The following IPO5 variants were observed in gnomAD, a reference collection of about 807,000 sequenced individuals.
IPO5 encodes the protein importin 5.
IPO5 carries 18 observed loss-of-function variants against 143.3 expected under a neutral mutation model. The observed-to-expected ratio is 0.13, with a 90% CI of 0.09 to 0.19. The LOEUF is 0.19. Among genes scored for constraint, IPO5 ranks in the 10% least tolerant of loss-of-function variants. The pLI, the probability that IPO5 is intolerant of heterozygous loss-of-function variation, is 1.00. For synonymous variants in IPO5, 477 were observed against 465.7 expected, an observed-to-expected ratio of 1.02 and a Z score of -0.31; for missense variants, 1,013 against 1,336.9, an observed-to-expected ratio of 0.76 and a Z score of 3.78.
intron 6 of IPO5, chr13:97,987,289 G>C (rs1392935069): frequency 1.3e-5 from 2 of 151,964 alleles, no homozygotes; most frequent in Non-Finnish European, 2.9e-5. Context: ...TATAAGTGTG[G>C]TTGTAAGCGC....
chr13:97,999,844 C>A (rs563978778), intron 12 of IPO5, among the ~76,000 whole-genome samples: 1 of 152,254 alleles, frequency 6.6e-6, no homozygotes, highest in East Asian at 1.9e-4. Flanking sequence ...TTTCTATGTT[C>A]TGTTCATTGA....
intron 27 of IPO5, 136 bp downstream of exon 27, chr13:98,019,945 T>C (rs1890368311): frequency 8.5e-6 from 5 of 590,438 alleles, no homozygotes; most frequent in Admixed American, 6.1e-5. Flanking sequence ...ATAATAGTGC[T>C]GTCTTTATAA....
In IPO5 at chr13:98,008,062, A is replaced by C. The variant is rs747147092; in HGVS notation, c.1720A>C (p.Met574Leu). 1.2e-6 allele frequency: 2 copies of C among 1,600,826 alleles called. No individual in the cohort carries two copies. The highest frequency in any genetic ancestry group is 2.2e-5 in the South Asian group (2 of 90,622). ...IGLAVGKEKF[M>L]QDASDVMQLL... is the part of the protein sequence containing the mutation. ...GTCTCTACATATTTTCCTCTAGTTC[A>C]TGCAGGATGCATCAGATGTGATGCA... The change falls in exon 18 of 29, where the codon ATG becomes CTG. Residue 574 changes from methionine (M) to leucine (L), a missense_variant. Coordinates refer to ENST00000651721, the MANE Select transcript of IPO5 (RefSeq NM_002271.6).
intron 2 of IPO5, among the ~76,000 whole-genome samples, chr13:97,962,356 G>C (rs565698201): frequency 6.6e-6 from 1 of 152,242 alleles, no homozygotes; most frequent in East Asian, 1.9e-4. Context: ...TATAGTTTTA[G>C]CTCTTACATT....
intron 25 of IPO5, 75 bp downstream of exon 25, chr13:98,016,926 T>C (rs1395362927): frequency 7.0e-6 from 8 of 1,136,638 alleles, no homozygotes; most frequent in Middle Eastern, 2.1e-4. Flanking sequence ...TAAAATCTAA[T>C]GCTTGAAGTT....
intron 22 of IPO5, 100 bp downstream of exon 22, chr13:98,014,314 G>C: frequency 1.2e-6 from 1 of 853,574 alleles, no homozygotes; most frequent in South Asian, 1.8e-5. Flanking sequence ...GTATTGCTCT[G>C]TCACCCAGGC....
In IPO5 at chr13:98,006,196, A is replaced by G. The variant is rs753651187; in HGVS notation, c.1564A>G (p.Thr522Ala). ...VVTSIASVAD[T>A]AEEKFVPYYD... ...GACATCCATTGCATCAGTTGCCGAT[A>G]CTGCAGAAGAAAAATTTGTCCCCTA... Residue 522 changes from threonine (T) to alanine (A), a missense_variant, in exon 17 of 29, where the codon ACT becomes GCT. Thr to Ala is a moderately conservative substitution (Grantham distance 58). This residue lies in a region of IPO5 where 685 missense variants were observed against 994.9 expected (regional missense o/e 0.69). Transcript: ENST00000651721. 1 of 1,613,746 alleles carries G rather than the reference A, an allele frequency of 6.2e-7. No homozygotes were observed. The highest frequency in any genetic ancestry group is 1.1e-5 in the South Asian group (1 of 91,074).
intron 11 of IPO5, among the ~76,000 whole-genome samples, chr13:97,993,450 A>G (rs1170553534): frequency 6.6e-6 from 1 of 152,246 alleles, no homozygotes; most frequent in Admixed American, 6.5e-5. Context: ...GTTAAAAATA[A>G]CATTTCTAGA....
chr13:97,953,788 G>C, intron 1 of IPO5, 72 bp downstream of exon 1: 1 of 387,648 alleles, frequency 2.6e-6, no homozygotes, highest in South Asian at 2.0e-5. Flanking sequence ...GAACAATTTA[G>C]CGTGATACTG....
At chr13:97,989,720 C>G (rs1336712059) in intron 7 of IPO5, among the ~76,000 whole-genome samples, 1 of 152,076 alleles carries the variant, frequency 6.6e-6, no homozygotes, top group African/African-American at 2.4e-5. Flanking sequence ...TCATTTTGTA[C>G]TTTAGTTGTC....
intron 2 of IPO5, among the ~76,000 whole-genome samples, chr13:97,957,995 A>T (rs953173292): frequency 3.3e-5 from 5 of 152,190 alleles, no homozygotes; most frequent in Admixed American, 2.0e-4. Flanking sequence ...ACTCTGTCTC[A>T]GAAAAAAAAG....
intron 12 of IPO5, among the ~76,000 whole-genome samples, chr13:97,999,463 A>G (rs1288407780): frequency 3.3e-5 from 5 of 152,174 alleles, no homozygotes; most frequent in Admixed American, 3.3e-4. Flanking sequence ...AAATTTATAC[A>G]GTTTAAGAAA....
chr13:98,019,726 A>G lies in IPO5; in HGVS notation c.2982A>G (p.Pro994=). 6.2e-7 allele frequency: 1 copy of G among 1,614,114 alleles called. No individual in the cohort carries two copies. The highest frequency in any genetic ancestry group is 1.1e-5 in the South Asian group (1 of 91,082). ...GTGTAAACGTTGAAGAGGTCCTTCC[A>G]CACTGGTTGTCTTGGCTTCCACTAC... is the stretch of plus-strand genomic sequence containing the variant. The part of the protein sequence containing the change: ...PDCVNVEEVL[P]HWLSWLPLHE... The change falls in exon 27 of 29, where the codon CCA becomes CCG. Residue 994 remains proline, a synonymous_variant. Transcript: ENST00000651721.
At position 98,019,693 on chromosome 13, in the gene IPO5, G is replaced by A; in HGVS notation, c.2949G>A (p.Lys983=). Residue 983 remains lysine (K), a synonymous_variant, in exon 27 of 29, where the codon AAG becomes AAA. Transcript: ENST00000651721. ...ISAVGKIMKF[K]PDCVNVEEVL... ...CAGTAGGGAAAATCATGAAGTTCAAGCCTGACTGTGTAAACGTTGAAGAGG... is the reference window on the plus strand; with the variant it reads ...CAGTAGGGAAAATCATGAAGTTCAAACCTGACTGTGTAAACGTTGAAGAGG... 1.2e-6 allele frequency: 2 copies of A among 1,614,032 alleles called. No individual in the cohort carries two copies. The highest frequency in any genetic ancestry group is 1.7e-6 in the Non-Finnish European group (2 of 1,179,864).
chr13:97,991,777 T>C (rs532486747), intron 9 of IPO5, among the ~76,000 whole-genome samples: 23 of 152,230 alleles, frequency 1.5e-4, no homozygotes, highest in Non-Finnish European at 3.1e-4. Flanking sequence ...AAAAATAATT[T>C]GTGAGTTAGT....
At chr13:97,990,030 T>A (rs1887683975) in intron 7 of IPO5, 96 bp from the exon 8 acceptor site, 1 of 736,082 alleles carries the variant, frequency 1.4e-6, no homozygotes, top group Non-Finnish European at 2.4e-6. Context: ...GCGTACTGAG[T>A]CAGGTAAACA....
At chr13:97,968,540 T>C (rs1430982050) in intron 2 of IPO5, among the ~76,000 whole-genome samples, 1 of 152,258 alleles carries the variant, frequency 6.6e-6, no homozygotes, top group Non-Finnish European at 1.5e-5. Context: ...TTTTGCTTTA[T>C]GTATTTTGGT....
intron 13 of IPO5, among the ~76,000 whole-genome samples, chr13:98,001,487 A>AT (rs1888771175): frequency 6.6e-6 from 1 of 151,954 alleles, no homozygotes; most frequent in African/African-American, 2.4e-5. Context: ...CACCACGCCC[A>AT]GCTATTTCGA....
intron 13 of IPO5, among the ~76,000 whole-genome samples, chr13:98,001,240 A>C (rs1404926691): frequency 2.0e-5 from 3 of 152,288 alleles, no homozygotes; most frequent in African/African-American, 7.2e-5. Context: ...TATCAATCCC[A>C]AAGTTTATTG....
Sources: gnomAD v4.1 joint callset for allele counts (sites outside exome capture counted in the v4.1 genomes callset) on GRCh38, gnomAD v4.1.1 for gene constraint, gnomAD v4.1.1 regional missense constraint, MANE v1.5 for transcripts, NCBI Gene and HGNC (gene_info 2026-07-23, HGNC 2026-07-21) for gene names.